Variants in ARHGAP42 observed in about 807,000 individuals in gnomAD.
ARHGAP42 encodes Rho GTPase activating protein 42, also known as rho GTPase-activating protein 42.
ARHGAP42 carries 63 observed loss-of-function variants against 125.0 expected under a neutral mutation model. The ratio of observed to expected loss-of-function variants is 0.50; its 90% CI spans 0.41 to 0.62. The LOEUF is 0.62. Among genes scored for constraint, ARHGAP42 ranks in the 20% least tolerant of loss-of-function variants. ARHGAP42 has a pLI of 0.00. For missense variants in ARHGAP42, 766 were observed against 1,024.2 expected (o/e 0.75, Z 3.44); for synonymous variants, 339 against 351.0 (o/e 0.97, Z 0.38).
At chr11:100,958,929 A>AATTTTTTGATATAT (rs1857882742) in intron 12 of ARHGAP42, among the ~76,000 whole-genome samples, 1 of 94,946 alleles carries the variant, frequency 1.1e-5, no homozygotes, top group Non-Finnish European at 2.3e-5. Flanking sequence ...TTTTTATCAT[A>AATTTTTTGATATAT]ATTTTTTTGA....
chr11:100,941,709 C>T, intron 8 of ARHGAP42, 75 bp from the exon 9 acceptor site: 4 of 810,978 alleles, frequency 4.9e-6, no homozygotes, highest in Non-Finnish European at 7.7e-6. Flanking sequence ...TATATCATAG[C>T]ACTGGAGAAT....
intron 19 of ARHGAP42, 92 bp from the exon 20 acceptor site, chr11:100,975,965 A>T: frequency 7.2e-7 from 1 of 1,383,716 alleles, no homozygotes; most frequent in East Asian, 2.5e-5. Flanking sequence ...GCCGCAGAAC[A>T]CATGGTAAGT....
chr11:100,928,758 A>G (rs1867495607), intron 6 of ARHGAP42, among the ~76,000 whole-genome samples: 1 of 150,744 alleles, frequency 6.6e-6, no homozygotes, highest in South Asian at 2.1e-4. Flanking sequence ...TCCTTTAGGT[A>G]TCATTCCCAG....
intron 1 of ARHGAP42, among the ~76,000 whole-genome samples, chr11:100,720,018 G>A (rs191691933): frequency 6.6e-5 from 10 of 152,298 alleles, no homozygotes; most frequent in Non-Finnish European, 8.8e-5. Context: ...ATCTGGCACC[G>A]TAGTCAACAT....
intron 2 of ARHGAP42, among the ~76,000 whole-genome samples, chr11:100,792,752 CTTTT>C (rs3063409): frequency 7.1e-6 from 1 of 141,550 alleles, no homozygotes; most frequent in African/African-American, 2.7e-5. Context: ...TTGGAATTTT[CTTTT>C]TTTTTTTTTT....
intron 1 of ARHGAP42, among the ~76,000 whole-genome samples, chr11:100,761,618 C>T (rs997510212): frequency 6.6e-6 from 1 of 152,178 alleles, no homozygotes; most frequent in African/African-American, 2.4e-5. Context: ...TCTGGAACTG[C>T]TTGCCAGACA....
intron 1 of ARHGAP42, among the ~76,000 whole-genome samples, chr11:100,718,378 G>C (rs1250985482): frequency 6.6e-6 from 1 of 152,180 alleles, no homozygotes; most frequent in Non-Finnish European, 1.5e-5. Flanking sequence ...GATATTTTCT[G>C]TGCAAATGCA....
At position 100,838,060 on chromosome 11, in the gene ARHGAP42, A is replaced by AGTCT. The variant is rs554213020; in HGVS notation, c.313-21483_313-21480dup. ...CGCTAACTGCCTGCCTCAGTTCCTGAGTCTGTCTGTCTGTTTGTTTTTGTT... is the reference window on the plus strand; with the variant it reads ...CGCTAACTGCCTGCCTCAGTTCCTGAGTCTGTCTGTCTGTCTGTTTGTTTTTGTT... On this transcript the variant is annotated intron_variant, in intron 3 of 23. Coordinates refer to ENST00000298815, the MANE Select transcript of ARHGAP42 (RefSeq NM_152432.4). Among the ~76,000 whole-genome samples, 1,135 of 151,546 alleles carry AGTCT rather than the reference A, an allele frequency of 7.5e-3. 16 individuals are homozygous for AGTCT. The highest frequency in any genetic ancestry group is 0.019 in the South Asian group (89 of 4,794).
intron 23 of ARHGAP42, 110 bp from the exon 24 acceptor site, chr11:100,988,600 TCCC>T: frequency 1.3e-6 from 1 of 778,710 alleles, no homozygotes; most frequent in Non-Finnish European, 2.0e-6. Context: ...CTGGAACTAA[TCCC>T]CCACAGATAC....
chr11:100,880,386 G>A (rs1865930463), intron 4 of ARHGAP42, among the ~76,000 whole-genome samples: 1 of 152,134 alleles, frequency 6.6e-6, no homozygotes, highest in Non-Finnish European at 1.5e-5. Flanking sequence ...ACTTCACTTA[G>A]AATAATAGTC....
intron 4 of ARHGAP42, among the ~76,000 whole-genome samples, chr11:100,885,177 G>A (rs914585497): frequency 6.6e-6 from 1 of 152,180 alleles, no homozygotes; most frequent in African/African-American, 2.4e-5. Context: ...ACTAGTTTGA[G>A]GAAAGTAAAC....
At chr11:100,888,335 A>T (rs569918373) in intron 4 of ARHGAP42, among the ~76,000 whole-genome samples, 1 of 152,138 alleles carries the variant, frequency 6.6e-6, no homozygotes, top group Non-Finnish European at 1.5e-5. Flanking sequence ...CATTTCTTGT[A>T]AAGTGCCAAA....
chr11:100,849,627 G>C (rs988276982), intron 3 of ARHGAP42, among the ~76,000 whole-genome samples: 1 of 151,482 alleles, frequency 6.6e-6, no homozygotes, highest in Non-Finnish European at 1.5e-5. Flanking sequence ...TAAATTTGCT[G>C]GCTTATTCAA....
intron 4 of ARHGAP42, among the ~76,000 whole-genome samples, chr11:100,895,947 C>T (rs113690100): frequency 0.015 from 2,348 of 152,174 alleles, 62 homozygotes; most frequent in African/African-American, 0.053. Context: ...CCCATCAACT[C>T]GTCATTTACA....
In ARHGAP42 at chr11:100,923,851, A is replaced by G. The variant is rs532890545; in HGVS notation, c.597+2247A>G. ...GTACTGTCAGTTTGGTCTCATCCTC[A>G]TTTCTAGCCTCAGAGTCTCATCCAT... On this transcript the variant is annotated intron_variant, in intron 6 of 23. Coordinates refer to ENST00000298815, the MANE Select transcript of ARHGAP42 (RefSeq NM_152432.4). 2.8e-4 allele frequency among the ~76,000 whole-genome samples: 43 copies of G among 152,170 alleles called. 2 individuals carry two copies. The highest frequency in any genetic ancestry group is 1.0e-3 in the African/African-American group (42 of 41,466).
At chr11:100,960,180 ATAC>A (rs778812704) in intron 13 of ARHGAP42, among the ~76,000 whole-genome samples, 38 of 151,572 alleles carry the variant, frequency 2.5e-4, no homozygotes, top group Non-Finnish European at 3.5e-4. Context: ...CAGCCTCACT[ATAC>A]TTCTTATTGA....
rs1565310905 is a variant in ARHGAP42 at position 100,991,646 on chromosome 11, C to A, written c.*2845C>A. 1 of 152,164 alleles carries A rather than the reference C, an allele frequency of 6.6e-6. No individual in the cohort carries two copies. The highest frequency in any genetic ancestry group is 1.5e-5 in the Non-Finnish European group (1 of 68,022). 9.4% of individuals were successfully genotyped at this position (152,164 alleles called of 1,614,324 possible). On this transcript the variant is annotated 3_prime_UTR_variant, in exon 24 of 24. Transcript: ENST00000298815. Reference sequence around the variant, plus strand: ...TACCAAGTTTATGGAAACTAGTCAACTGAAGGATTTTTCTGTTGTGTTATG... The same window carrying A: ...TACCAAGTTTATGGAAACTAGTCAAATGAAGGATTTTTCTGTTGTGTTATG...
chr11:100,992,317 A>C lies in ARHGAP42; in HGVS notation c.*3516A>C, dbSNP rs774493680. The C allele has an allele frequency of 6.8e-5, 108 of 1,599,508 alleles. No individual in the cohort carries two copies. The highest frequency in any genetic ancestry group is 8.7e-5 in the Non-Finnish European group (102 of 1,174,248). On this transcript the variant is annotated 3_prime_UTR_variant, in exon 24 of 24. Transcript: ENST00000298815. Reference sequence around the variant, plus strand: ...AACTCACAGCTGTTAGCATGACCTCACATCACTGCGTAGGACCCGGAAATC... The same window carrying C: ...AACTCACAGCTGTTAGCATGACCTCCCATCACTGCGTAGGACCCGGAAATC...
At chr11:100,942,561 C>G (rs752590932) in intron 9 of ARHGAP42, among the ~76,000 whole-genome samples, 1 of 152,108 alleles carries the variant, frequency 6.6e-6, no homozygotes, top group Non-Finnish European at 1.5e-5. Flanking sequence ...AATCTGAGCA[C>G]GCTGAAGCTG....
Sources: gnomAD v4.1 joint callset for allele counts (sites outside exome capture counted in the v4.1 genomes callset) on GRCh38, gnomAD v4.1.1 for gene constraint, MANE v1.5 for transcripts, NCBI Gene and HGNC (gene_info 2026-07-23, HGNC 2026-07-21) for gene names.